MYRIP: variants seen among roughly 807,000 people sequenced by gnomAD.
MYRIP encodes myosin VIIA and Rab interacting protein, also known as rab effector MyRIP.
A neutral mutation model predicts 98.0 loss-of-function variants in MYRIP; 49 were observed. That is an observed-to-expected ratio of 0.50 (90% CI 0.40 to 0.63). The LOEUF is 0.63. Ranked by LOEUF, MYRIP falls within the 30% of genes least tolerant of loss-of-function variation. MYRIP has a pLI of 0.00. For synonymous variants in MYRIP, 404 were observed against 409.5 expected (o/e 0.99, Z 0.16); for missense variants, 1,004 against 1,058.2 (o/e 0.95, Z 0.71).
intron 2 of MYRIP, among the ~76,000 whole-genome samples, chr3:39,919,537 C>G (rs934303076): frequency 7.2e-5 from 11 of 152,176 alleles, no homozygotes; most frequent in African/African-American, 2.7e-4. Context: ...TTTGTCACCT[C>G]CTGGGTTGGC....
chr3:39,860,319 G>A (rs186751374), intron 1 of MYRIP, among the ~76,000 whole-genome samples: 1 of 152,176 alleles, frequency 6.6e-6, no homozygotes, highest in Non-Finnish European at 1.5e-5. Context: ...GAGCTGCTTA[G>A]AGAGGTGGTA....
At chr3:39,982,344 G>A (rs1455195790) in intron 2 of MYRIP, among the ~76,000 whole-genome samples, 1 of 152,158 alleles carries the variant, frequency 6.6e-6, no homozygotes, top group Non-Finnish European at 1.5e-5. Context: ...ATACATGTAT[G>A]TACGATGAGA....
intron 1 of MYRIP, among the ~76,000 whole-genome samples, chr3:39,888,690 A>T (rs1339299449): frequency 2.0e-5 from 3 of 152,182 alleles, no homozygotes; most frequent in Non-Finnish European, 4.4e-5. Flanking sequence ...GGATCTAATT[A>T]AACTAAAGAA....
chr3:39,875,326 G>T (rs1187247493), intron 1 of MYRIP, among the ~76,000 whole-genome samples: 1 of 151,782 alleles, frequency 6.6e-6, no homozygotes, highest in South Asian at 2.1e-4. Flanking sequence ...AGGGTTTTTT[G>T]TGTCTCTATT....
At chr3:40,113,726 T>G (rs776552608) in intron 3 of MYRIP, among the ~76,000 whole-genome samples, 42 of 152,002 alleles carry the variant, frequency 2.8e-4, no homozygotes, top group Non-Finnish European at 5.0e-4. Context: ...GTCTCGCTCT[T>G]TCGCCCAGGC....
chr3:40,060,595 T>TGAGAGAGAGAGAG (rs572789849), intron 3 of MYRIP, among the ~76,000 whole-genome samples: 3 of 80,138 alleles, frequency 3.7e-5, no homozygotes, highest in African/African-American at 1.3e-4. Flanking sequence ...TTTTCTTTTT[T>TGAGAGAGAGAGAG]TGAGAGAGAG....
At chr3:40,165,590 C>G (rs1291192601) in intron 5 of MYRIP, among the ~76,000 whole-genome samples, 1 of 152,054 alleles carries the variant, frequency 6.6e-6, no homozygotes, top group African/African-American at 2.4e-5. Context: ...CATGATGTGA[C>G]TTGGACTTCT....
intron 2 of MYRIP, among the ~76,000 whole-genome samples, chr3:39,919,633 T>C (rs944995019): frequency 6.6e-6 from 1 of 151,946 alleles, no homozygotes; most frequent in African/African-American, 2.4e-5. Context: ...AACAGATTCG[T>C]GTGATCCTGA....
In MYRIP at chr3:40,000,944, C is replaced by A. The variant is rs114431369; in HGVS notation, c.111-43106C>A. ...TTGAATACCTGGGAAAACATGTTTT[C>A]TTCTGCATTTCAATGATAACTCTCA... On this transcript the variant is annotated intron_variant, in intron 2 of 16. Transcript: ENST00000302541. Among the ~76,000 whole-genome samples the A allele has an allele frequency of 8.5e-3, 1,292 of 152,302 alleles. 12 individuals carry two copies. Among genetic ancestry groups the A allele is most frequent in the Non-Finnish European group, 0.014 (926 of 68,018 alleles).
At chr3:39,975,996 C>T (rs1293382906) in intron 2 of MYRIP, among the ~76,000 whole-genome samples, 1 of 152,126 alleles carries the variant, frequency 6.6e-6, no homozygotes, top group Non-Finnish European at 1.5e-5. Flanking sequence ...TGGGCAAGGA[C>T]TTCATGTCTA....
intron 2 of MYRIP, among the ~76,000 whole-genome samples, chr3:39,971,544 G>A (rs1424578890): frequency 6.6e-6 from 1 of 152,014 alleles, no homozygotes; most frequent in Non-Finnish European, 1.5e-5. Flanking sequence ...TCTTGGAGAA[G>A]GTTCAAAAGG....
intron 2 of MYRIP, among the ~76,000 whole-genome samples, chr3:39,973,399 A>C (rs1945653353): frequency 6.6e-6 from 1 of 152,146 alleles, no homozygotes; most frequent in African/African-American, 2.4e-5. Flanking sequence ...CAGATTCATA[A>C]AGCAAGTCCT....
chr3:40,250,600 T>C (rs2125722261), intron 15 of MYRIP, 101 bp downstream of exon 15: 2 of 1,332,234 alleles, frequency 1.5e-6, no homozygotes, highest in Non-Finnish European at 2.1e-6. Flanking sequence ...TCTAATGGAG[T>C]GTTCTCACAC....
chr3:40,129,242 G>C (rs1949585155), intron 3 of MYRIP, among the ~76,000 whole-genome samples: 1 of 151,276 alleles, frequency 6.6e-6, no homozygotes, highest in Admixed American at 6.6e-5. Flanking sequence ...TTCAAGACTA[G>C]CCTGGCCAAC....
In MYRIP at chr3:39,874,238, G is replaced by C. The variant is rs57496657; in HGVS notation, c.-30-26549G>C. Among the ~76,000 whole-genome samples the C allele has an allele frequency of 2.2e-3, 338 of 152,184 alleles. 4 individuals are homozygous for C. Among genetic ancestry groups the C allele is most frequent in the African/African-American group, 7.7e-3 (320 of 41,502 alleles). On this transcript the variant is annotated intron_variant, in intron 1 of 16. Coordinates refer to ENST00000302541, the MANE Select transcript of MYRIP (RefSeq NM_015460.4). ...TTGCTTATCAGCTTAAGGAGATTTT[G>C]GGCTGAGACAATGGGGTTTTCTAGA...
chr3:39,870,719 G>A (rs535905456), intron 1 of MYRIP, among the ~76,000 whole-genome samples: 6 of 152,250 alleles, frequency 3.9e-5, no homozygotes, highest in South Asian at 4.1e-4. Flanking sequence ...CCCTTTCTCT[G>A]TAGTTAACTT....
intron 3 of MYRIP, among the ~76,000 whole-genome samples, chr3:40,143,784 G>C (rs1191763015): frequency 6.6e-6 from 1 of 152,014 alleles, no homozygotes; most frequent in East Asian, 1.9e-4. Flanking sequence ...TATCATTTTT[G>C]TGTGTGACAT....
intron 3 of MYRIP, among the ~76,000 whole-genome samples, chr3:40,148,727 A>G (rs771529421): frequency 5.3e-5 from 8 of 152,080 alleles, no homozygotes; most frequent in Non-Finnish European, 8.8e-5. Context: ...ACTTGTTGTT[A>G]GTTTATCTTG....
chr3:39,860,377 G>A (rs1942433587), intron 1 of MYRIP, among the ~76,000 whole-genome samples: 1 of 152,220 alleles, frequency 6.6e-6, no homozygotes, highest in African/African-American at 2.4e-5. Flanking sequence ...TGATATGGCA[G>A]CATCTCTAGT....
Sources: allele counts gnomAD v4.1 joint callset (sites outside exome capture counted in the v4.1 genomes callset), GRCh38; gene constraint gnomAD v4.1.1; transcripts MANE v1.5; gene names NCBI Gene and HGNC (gene_info 2026-07-23, HGNC 2026-07-21).